MTCL1: variants seen among roughly 807,000 people sequenced by gnomAD.
MTCL1 encodes microtubule crosslinking factor 1.
Under a neutral mutation model 141.4 loss-of-function variants are expected in MTCL1, and 79 were observed. The observed-to-expected ratio is 0.56, with a 90% confidence interval of 0.47 to 0.67. MTCL1 has a LOEUF of 0.67. Ranked by LOEUF, MTCL1 falls within the 30% of genes least tolerant of loss-of-function variation. The pLI, the probability that MTCL1 is intolerant of heterozygous loss-of-function variation, is 0.00. For synonymous variants in MTCL1, 914 were observed against 875.8 expected (o/e 1.04, Z -0.77); for missense variants, 2,177 against 2,113.9 (o/e 1.03, Z -0.59).
intron 11 of MTCL1, among the ~76,000 whole-genome samples, chr18:8,811,428 G>A (rs767092275): frequency 2.6e-5 from 4 of 152,164 alleles, no homozygotes; most frequent in Non-Finnish European, 5.9e-5. Flanking sequence ...AGATTTCAAC[G>A]TGAAGTTTGG....
At chr18:8,798,158 C>A in exon 10 of MTCL1, 1 of 1,595,576 alleles carries the variant, frequency 6.3e-7, no homozygotes, top group East Asian at 2.3e-5. Context: ...GGTCACCAGG[C>A]GGATGGCCCA....
At chr18:8,786,257 A>G (rs1167808623) in intron 7 of MTCL1, 166 bp downstream of exon 6, 1 of 825,636 alleles carries the variant, frequency 1.2e-6, no homozygotes, top group South Asian at 1.4e-5. Context: ...TGGCACTGGG[A>G]CAGGCAGGTG....
chr18:8,783,698 G>A, exon 6 of MTCL1: 2 of 1,609,012 alleles, frequency 1.2e-6, no homozygotes. Context: ...CACGGGGGAA[G>A]CAGGCGGGCC....
At chr18:8,773,409 C>T (rs901326688) in intron 4 of MTCL1, among the ~76,000 whole-genome samples, 6 of 152,012 alleles carry the variant, frequency 3.9e-5, no homozygotes, top group Non-Finnish European at 7.4e-5. Flanking sequence ...GTTTATTGGC[C>T]GTTTGTTTAT....
At chr18:8,726,294 T>C (rs993917035) in intron 4 of MTCL1, among the ~76,000 whole-genome samples, 3 of 145,804 alleles carry the variant, frequency 2.1e-5, no homozygotes, top group Non-Finnish European at 3.0e-5. Flanking sequence ...TTCTTTTTTT[T>C]TTTTTTTTTT....
chr18:8,804,917 G>C (rs1056885579), intron 10 of MTCL1, among the ~76,000 whole-genome samples: 1 of 151,032 alleles, frequency 6.6e-6, no homozygotes, highest in East Asian at 1.9e-4. Flanking sequence ...CTTGAGCCCA[G>C]GAGGTTGAGG....
chr18:8,823,170 G>A lies in MTCL1; in HGVS notation c.3189-1529G>A, dbSNP rs558076231. 7.2e-5 allele frequency among the ~76,000 whole-genome samples: 11 copies of A among 152,214 alleles called. No individual in the cohort carries two copies. The South Asian group carries it at 1.9e-3, about 26-fold the overall frequency. On this transcript the variant is annotated intron_variant, in intron 14 of 16. Transcript: ENST00000359865. The stretch of plus-strand genomic sequence containing the variant: ...TACTCTCTTCGTTCCACCTGCAAGC[G>A]CCTACACATGCTCCAGATGTATCCC...
intron 3 of MTCL1, among the ~76,000 whole-genome samples, chr18:8,719,880 A>T (rs1430497723): frequency 6.6e-6 from 1 of 152,178 alleles, no homozygotes; most frequent in East Asian, 1.9e-4. Context: ...AGATGGGTTC[A>T]GTATTACTTT....
chr18:8,732,555 TGG>T (rs2096255822), intron 4 of MTCL1, among the ~76,000 whole-genome samples: 2 of 152,210 alleles, frequency 1.3e-5, no homozygotes, highest in Non-Finnish European at 2.9e-5. Context: ...TACGTTGAAA[TGG>T]TATGATTATG....
At position 8,779,222 on chromosome 18, in the gene MTCL1, G is replaced by A. The variant is rs1257550859; in HGVS notation, c.417+1330G>A. The stretch of plus-strand genomic sequence containing the variant: ...TCTGTTGCTTGACAAGGCCTTTCCC[G>A]CTGGTGGTGATGGTGGTGGGCCCCT... On this transcript the variant is annotated intron_variant, in intron 5 of 16. Coordinates refer to ENST00000359865, the Ensembl canonical transcript of MTCL1. This position sits in a 1 kb window ranked among gnomAD's most constrained non-coding sequence, Gnocchi z 4.1. 6.6e-6 allele frequency among the ~76,000 whole-genome samples: 1 copy of A among 152,128 alleles called. No homozygotes were observed. The highest frequency in any genetic ancestry group is 2.4e-5 in the African/African-American group (1 of 41,432).
At chr18:8,724,841 T>G (rs1188119858) in intron 4 of MTCL1, among the ~76,000 whole-genome samples, 2 of 152,148 alleles carry the variant, frequency 1.3e-5, no homozygotes, top group Non-Finnish European at 2.9e-5. Context: ...AGGGCTGATC[T>G]GGCTAGAATT....
At chr18:8,791,505 A>T (rs926658880) in intron 7 of MTCL1, among the ~76,000 whole-genome samples, 2 of 151,192 alleles carry the variant, frequency 1.3e-5, no homozygotes, top group Admixed American at 1.3e-4. Flanking sequence ...CAGGGACACA[A>T]GTTGGCAGAC....
chr18:8,765,681 T>C (rs1401309035), intron 4 of MTCL1, among the ~76,000 whole-genome samples: 4 of 152,122 alleles, frequency 2.6e-5, no homozygotes, highest in African/African-American at 4.8e-5. Context: ...GCTTCTCTCT[T>C]CTCTTTTGGG....
chr18:8,769,726 T>G (rs1376737324), intron 4 of MTCL1, among the ~76,000 whole-genome samples: 1 of 152,214 alleles, frequency 6.6e-6, no homozygotes. Flanking sequence ...CTCTTTGACT[T>G]GGATGCTGGG....
intron 10 of MTCL1, among the ~76,000 whole-genome samples, chr18:8,799,746 A>T (rs987947924): frequency 6.6e-6 from 1 of 152,252 alleles, no homozygotes; most frequent in Non-Finnish European, 1.5e-5. Context: ...ATTCACGCAG[A>T]TGCTCTGGAC....
intron 10 of MTCL1, among the ~76,000 whole-genome samples, chr18:8,803,726 A>G (rs769027952): frequency 6.6e-6 from 1 of 152,192 alleles, no homozygotes; most frequent in Non-Finnish European, 1.5e-5. Flanking sequence ...CGCAATGATT[A>G]ATATTATCCT....
chr18:8,831,743 C>T (rs1170738046), exon 17 of MTCL1: 37 of 1,550,362 alleles, frequency 2.4e-5, no homozygotes, highest in Non-Finnish European at 2.9e-5. Flanking sequence ...CCCGGAGACC[C>T]GACGTCCTTG....
chr18:8,730,285 ACCT>A (rs1160726125), intron 4 of MTCL1, among the ~76,000 whole-genome samples: 2 of 151,118 alleles, frequency 1.3e-5, no homozygotes, highest in East Asian at 3.9e-4. Flanking sequence ...TGGCCCACTC[ACCT>A]CTTTGCCTTT....
At chr18:8,725,992 C>G (rs996135531) in intron 4 of MTCL1, among the ~76,000 whole-genome samples, 49 of 151,880 alleles carry the variant, frequency 3.2e-4, no homozygotes, top group African/African-American at 1.1e-3. Flanking sequence ...AGGGTTTCAC[C>G]ATGTTAGCCA....
Sources: allele counts gnomAD v4.1 joint callset (sites outside exome capture counted in the v4.1 genomes callset), GRCh38; gene constraint gnomAD v4.1.1; non-coding constraint Gnocchi (gnomAD v3.1); transcripts MANE v1.5; gene names NCBI Gene and HGNC (gene_info 2026-07-23, HGNC 2026-07-21).